Variants in COL3A1 observed in about 807,000 individuals in gnomAD.
COL3A1 encodes collagen alpha-1(III) chain.
In COL3A1, 46 loss-of-function variants were observed where a neutral mutation model predicts 200.9. The observed-to-expected ratio is 0.23, with a 90% CI of 0.18 to 0.29. The LOEUF (loss-of-function observed/expected upper bound fraction) is 0.29. Ranked by LOEUF, COL3A1 falls within the 10% of genes least tolerant of loss-of-function variation. COL3A1 has a pLI of 1.00. For missense variants in COL3A1, 1,367 were observed against 1,917.6 expected (o/e 0.71, Z 5.36); for synonymous variants, 650 against 628.0 (o/e 1.03, Z -0.52).
At chr2:189,008,573 A>G (rs1688648342) in intron 47 of COL3A1, 1 of 409,734 alleles carries the variant, frequency 2.4e-6, no homozygotes, top group South Asian at 2.6e-5. Flanking sequence ...AATGAAATAA[A>G]AACAATTATC....
In COL3A1 at chr2:188,984,952, C is replaced by G; in HGVS notation, c.272C>G (p.Pro91Arg). The change falls in exon 2 of 51, where the codon CCT becomes CGT. Residue 91 changes from proline to arginine, a missense_variant. Pro to Arg is a moderately radical substitution (Grantham distance 103). Coordinates refer to ENST00000304636, the MANE Select transcript of COL3A1 (RefSeq NM_000090.4). Reference sequence around the variant, plus strand: ...GAATGTTGTGCAGTTTGCCCACAGCCTCCAACTGCTGTGAGTTTAAAGATA... The same window carrying G: ...GAATGTTGTGCAGTTTGCCCACAGCGTCCAACTGCTGTGAGTTTAAAGATA... ...FGECCAVCPQ[P>R]PTAPTRPPNG... 1 of 1,612,734 alleles carries G rather than the reference C, an allele frequency of 6.2e-7. No homozygotes were observed. Among genetic ancestry groups the G allele is most frequent in the Non-Finnish European group, 8.5e-7 (1 of 1,179,222 alleles).
At chr2:188,976,013 C>T (rs1354425759) in intron 1 of COL3A1, among the ~76,000 whole-genome samples, 1 of 151,606 alleles carries the variant, frequency 6.6e-6, no homozygotes, top group Non-Finnish European at 1.5e-5. Context: ...CTCTCCTTGC[C>T]TCCTCACCCT....
chr2:188,985,644 T>G (rs1688050989), intron 3 of COL3A1, 21 bp from the exon 4 acceptor site: 11 of 1,522,224 alleles, frequency 7.2e-6, no homozygotes, highest in Non-Finnish European at 1.0e-5. Context: ...ACTATTTAAT[T>G]TATTTTTATC....
At chr2:188,979,592 G>C (rs952509592) in intron 1 of COL3A1, among the ~76,000 whole-genome samples, 3 of 151,680 alleles carry the variant, frequency 2.0e-5, no homozygotes, top group African/African-American at 7.2e-5. Context: ...ATAAGGTCAA[G>C]AGAAAATAAA....
chr2:189,005,606 T>C (rs1460143702), intron 41 of COL3A1, 149 bp downstream of exon 41: 1 of 723,864 alleles, frequency 1.4e-6, no homozygotes, highest in Non-Finnish European at 2.5e-6. Context: ...TTCATTACAA[T>C]TTAGGATAGA....
intron 1 of COL3A1, among the ~76,000 whole-genome samples, chr2:188,974,819 G>T (rs1374113155): frequency 6.6e-6 from 1 of 152,122 alleles, no homozygotes; most frequent in East Asian, 1.9e-4. Context: ...TCATGTTAAA[G>T]GCACTGGAAA....
At chr2:188,990,980 T>G (rs1688175743) in intron 10 of COL3A1, 24 bp from the exon 11 acceptor site, 1 of 1,608,604 alleles carries the variant, frequency 6.2e-7, no homozygotes, top group African/African-American at 1.3e-5. Context: ...TTTAATAATT[T>G]TGCTGGTTTT....
intron 32 of COL3A1, among the ~76,000 whole-genome samples, chr2:189,000,499 G>T (rs55972740): frequency 0.02 from 2,984 of 152,268 alleles, 32 homozygotes; most frequent in African/African-American, 0.027. Context: ...TGGCTATGGA[G>T]ACATGACACA....
At chr2:188,996,576 A>T (rs1688325185) in intron 24 of COL3A1, 80 bp downstream of exon 24, 1 of 1,165,768 alleles carries the variant, frequency 8.6e-7, no homozygotes, top group East Asian at 2.5e-5. Flanking sequence ...GAAATGGTCA[A>T]AACTCAGTCT....
chr2:189,007,778 A>G, intron 45 of COL3A1, 107 bp from the exon 46 acceptor site: 1 of 1,452,366 alleles, frequency 6.9e-7, no homozygotes, highest in Non-Finnish European at 9.6e-7. Flanking sequence ...TAAAGAAAGA[A>G]AAAAAATTTC....
Position 188,994,525 on chromosome 2 carries a change from CT to C in COL3A1, c.1294-13del. 1 of 1,614,000 alleles carries C rather than the reference CT, an allele frequency of 6.2e-7. No individual in the cohort carries two copies. Among genetic ancestry groups the C allele is most frequent in the South Asian group, 1.1e-5 (1 of 91,078 alleles). On this transcript the variant is annotated splice_polypyrimidine_tract_variant and intron_variant, in intron 18 of 50. Coordinates refer to ENST00000304636, the MANE Select transcript of COL3A1 (RefSeq NM_000090.4). The surrounding 1 kb of genome is among the most constrained non-coding windows in gnomAD (Gnocchi z 4.5). ...AATCCTCCCTGTGTTTCAACCAAGA[CT>C]TTGTTATACTTTAGGGTGAGCCTGG... is the stretch of plus-strand genomic sequence containing the variant.
chr2:189,007,859 C>G (rs1688629386), intron 45 of COL3A1, 26 bp from the exon 46 acceptor site: 1 of 1,613,232 alleles, frequency 6.2e-7, no homozygotes, highest in African/African-American at 1.3e-5. Context: ...GGCCTTCACT[C>G]CTATGTACAC....
chr2:188,976,619 G>C (rs1687823393), intron 1 of COL3A1, among the ~76,000 whole-genome samples: 1 of 152,068 alleles, frequency 6.6e-6, no homozygotes, highest in South Asian at 2.1e-4. Flanking sequence ...CTGGGGTGGG[G>C]TTTCTTATAT....
At chr2:189,005,588 G>T (rs1480098062) in intron 41 of COL3A1, 131 bp downstream of exon 41, 5 of 758,792 alleles carry the variant, frequency 6.6e-6, no homozygotes, top group Non-Finnish European at 1.2e-5. Flanking sequence ...TCTAATAACA[G>T]AAATTCTTTC....
In COL3A1 at chr2:188,998,722, G is replaced by A. The variant is rs886038865; in HGVS notation, c.2022+4G>A. On this transcript the variant is annotated splice_donor_region_variant and intron_variant, in intron 29 of 50. Coordinates refer to ENST00000304636, the MANE Select transcript of COL3A1 (RefSeq NM_000090.4). The stretch of plus-strand genomic sequence containing the variant: ...ACCTGGAGCTCCAGGAGGCAAGGTA[G>A]TATTTCAATTTATTCTCTACCTTCT... The A allele has an allele frequency of 2.5e-6, 4 of 1,613,586 alleles. No individual in the cohort carries two copies. Among genetic ancestry groups the A allele is most frequent in the Non-Finnish European group, 3.4e-6 (4 of 1,179,630 alleles).
intron 7 of COL3A1, 135 bp from the exon 8 acceptor site, chr2:188,989,261 T>C: frequency 1.5e-6 from 1 of 654,068 alleles, no homozygotes; most frequent in Non-Finnish European, 2.7e-6. Flanking sequence ...ACTCAGTAAG[T>C]ATCATTTTCA....
intron 1 of COL3A1, among the ~76,000 whole-genome samples, chr2:188,978,361 T>C (rs1687870728): frequency 6.6e-6 from 1 of 151,978 alleles, no homozygotes; most frequent in African/African-American, 2.4e-5. Flanking sequence ...ACCAGGATTA[T>C]AGTTGAGGCT....
At chr2:189,002,802 C>T (rs973613297) in intron 35 of COL3A1, among the ~76,000 whole-genome samples, 153 bp from the exon 36 acceptor site, 1 of 152,138 alleles carries the variant, frequency 6.6e-6, no homozygotes, top group African/African-American at 2.4e-5. Context: ...TTTTGATTGG[C>T]TTCATTTTGT....
chr2:188,992,241 C>T lies in COL3A1; in HGVS notation c.996+13C>T, dbSNP rs944459180. On this transcript the variant is annotated intron_variant, in intron 14 of 50. Coordinates refer to ENST00000304636, the MANE Select transcript of COL3A1 (RefSeq NM_000090.4). The stretch of plus-strand genomic sequence containing the variant: ...TGATGGTCAACCAGTAAGTAACTTT[C>T]TATCTCTTATGTGTTGTAGGGTAAT... The T allele has an allele frequency of 3.1e-6, 5 of 1,613,044 alleles. No individual in the cohort carries two copies. The highest frequency in any genetic ancestry group is 3.4e-6 in the Non-Finnish European group (4 of 1,179,308).
Sources: allele counts gnomAD v4.1 joint callset (sites outside exome capture counted in the v4.1 genomes callset), GRCh38; gene constraint gnomAD v4.1.1; non-coding constraint Gnocchi (gnomAD v3.1); transcripts MANE v1.5; gene names NCBI Gene and HGNC (gene_info 2026-07-23, HGNC 2026-07-21).